The following MAK variants were observed in gnomAD, a reference collection of about 807,000 sequenced individuals.
MAK encodes the protein male germ cell associated kinase.
A neutral mutation model predicts 82.6 loss-of-function variants in MAK; 65 were observed. The observed-to-expected ratio is 0.79, with a 90% confidence interval of 0.64 to 0.97. The LOEUF (loss-of-function observed/expected upper bound fraction) is 0.97, where lower values mean the gene tolerates loss of function less well. Ranked by LOEUF, MAK falls within the 50% of genes least tolerant of loss-of-function variation. The pLI is 0.00. For missense variants in MAK, 703 were observed against 780.2 expected (o/e 0.90, Z 1.18); for synonymous variants, 250 against 274.2 (o/e 0.91, Z 0.87).
intron 8 of MAK, among the ~76,000 whole-genome samples, chr6:10,801,318 C>A (rs543698806): frequency 1.3e-5 from 2 of 152,120 alleles, no homozygotes; most frequent in Non-Finnish European, 2.9e-5. Flanking sequence ...TTTATTGAAG[C>A]CTTGCAGACA....
chr6:10,771,942 C>T (rs1291717370), intron 13 of MAK, among the ~76,000 whole-genome samples: 1 of 152,224 alleles, frequency 6.6e-6, no homozygotes, highest in Non-Finnish European at 1.5e-5. Context: ...TTGCTCTCAT[C>T]CTCATCAGCA....
rs577744993 is a variant in MAK at position 10,798,239 on chromosome 6, C to T, written c.832-1930G>A. 5.9e-4 allele frequency among the ~76,000 whole-genome samples: 90 copies of T among 151,724 alleles called. 2 individuals carry two copies. In the South Asian group the frequency reaches 0.018, roughly 31 times the overall value. ...AAGCAATTCTCCTGCCTCAGCCTCC[C>T]GAGTAGCTGGGATTACAGGCACACG... is the stretch of plus-strand genomic sequence containing the variant. On this transcript the variant is annotated intron_variant, in intron 8 of 14. Coordinates refer to ENST00000354489, the MANE Select transcript of MAK (RefSeq NM_001242957.3).
In MAK at chr6:10,770,151, G is replaced by A. The variant is rs1160858103; in HGVS notation, c.1752C>T (p.Gly584=). 6.2e-7 allele frequency: 1 copy of A among 1,614,114 alleles called. No homozygotes were observed. Among genetic ancestry groups the A allele is most frequent in the Admixed American group, 1.7e-5 (1 of 60,006 alleles). The change falls in exon 14 of 15, where the codon GGC becomes GGT. Residue 584 remains glycine (G), a synonymous_variant. Coordinates refer to ENST00000354489, the MANE Select transcript of MAK (RefSeq NM_001242957.3). The stretch of plus-strand genomic sequence containing the variant: ...TGAGAGGTGCTAAGTGGATCCTCTG[G>A]CCAGCTGACTGCACTTCTTTTTTGA... ...SFLKKEVQSA[G]QRIHLAPLNA...
At chr6:10,837,464 A>G (rs940752686) in intron 1 of MAK, among the ~76,000 whole-genome samples, 2 of 152,194 alleles carry the variant, frequency 1.3e-5, no homozygotes, top group African/African-American at 2.4e-5. Flanking sequence ...GGTTGGGGGA[A>G]CTTTCTCCCT....
intron 11 of MAK, among the ~76,000 whole-genome samples, chr6:10,779,127 C>CAA (rs918122203): frequency 0.061 from 1,226 of 19,964 alleles, 219 homozygotes; most frequent in African/African-American, 0.17. Context: ...CACTTCGTCT[C>CAA]AAAAAAAAAA....
intron 5 of MAK, among the ~76,000 whole-genome samples, chr6:10,810,709 C>T (rs1159541936): frequency 6.6e-6 from 1 of 152,152 alleles, no homozygotes; most frequent in Non-Finnish European, 1.5e-5. Flanking sequence ...CTGTTTGTGA[C>T]ATCTGTTTAA....
rs577603772 is a variant in MAK at position 10,791,260 on chromosome 6, A to T, written c.1316+415T>A. Among the ~76,000 whole-genome samples, 194 of 151,692 alleles carry T rather than the reference A, an allele frequency of 1.3e-3. 2 individuals are homozygous for T. The highest frequency in any genetic ancestry group is 6.8e-3 in the Middle Eastern group (2 of 292). ...TGTGGAAGGCACCAATATTAAGCAA[A>T]TTTTTTTCTTTTTTTCTTTTTTTTG... On this transcript the variant is annotated intron_variant, in intron 10 of 14. Transcript: ENST00000354489.
rs1174950874 is a variant in MAK at position 10,821,974 on chromosome 6, C to T, written c.102-3034G>A. On this transcript the variant is annotated intron_variant, in intron 2 of 14. Coordinates refer to ENST00000354489, the MANE Select transcript of MAK (RefSeq NM_001242957.3). ...CCTCCTGGGTAACAGGGTGAAACCC[C>T]ATCTCTACTGAAAATACAAAAAATT... Among the ~76,000 whole-genome samples, 9 of 150,036 alleles carry T rather than the reference C, an allele frequency of 6.0e-5. No individual in the cohort carries two copies. The East Asian group carries it at 1.8e-3, about 30-fold the overall frequency.
At chr6:10,794,404 G>A (rs1269219503) in intron 9 of MAK, among the ~76,000 whole-genome samples, 1 of 152,182 alleles carries the variant, frequency 6.6e-6, no homozygotes, top group Non-Finnish European at 1.5e-5. Context: ...CTGCATTCCA[G>A]AGGAAGAGAC....
intron 2 of MAK, among the ~76,000 whole-genome samples, chr6:10,829,996 C>T (rs1348051015): frequency 6.6e-6 from 1 of 151,716 alleles, no homozygotes; most frequent in African/African-American, 2.4e-5. Flanking sequence ...ACCACCATGC[C>T]TGGCTAATTT....
intron 12 of MAK, among the ~76,000 whole-genome samples, chr6:10,774,325 C>T (rs919012103): frequency 4.6e-5 from 7 of 151,882 alleles, no homozygotes; most frequent in East Asian, 1.9e-4. Context: ...TTACTAAACA[C>T]GAAAATTAAG....
chr6:10,775,254 C>G (rs1026236342), intron 12 of MAK, 74 bp downstream of exon 12: 8 of 1,540,144 alleles, frequency 5.2e-6, no homozygotes, highest in Non-Finnish European at 7.1e-6. Flanking sequence ...GTTGGAAGAG[C>G]ACTGCAATAT....
rs1554184484 is a variant in MAK at position 10,815,912 on chromosome 6, G to GTACATATATATATATATATATATATATA, written c.278+1937_278+1938insTATATATATATATATATATATATATGTA. Among the ~76,000 whole-genome samples, 18 of 108,344 alleles carry GTACATATATATATATATATATATATATA rather than the reference G, an allele frequency of 1.7e-4. 1 individual carries two copies. Among genetic ancestry groups the GTACATATATATATATATATATATATATA allele is most frequent in the Non-Finnish European group, 2.8e-4 (16 of 57,074 alleles). 71.1% of individuals were successfully genotyped at this position (108,344 alleles called of 152,430 possible). A position where few individuals can be genotyped will look rare whatever the true frequency, so the allele number is the denominator to read the frequency against. The stretch of plus-strand genomic sequence containing the variant: ...TACTGTATTAGTGTAGCTTTATACA[G>GTACATATATATATATATATATATATATA]TATATATATATATATATATATATAT... On this transcript the variant is annotated intron_variant, in intron 4 of 14. Coordinates refer to ENST00000354489, the MANE Select transcript of MAK (RefSeq NM_001242957.3).
At chr6:10,775,535 A>T in intron 11 of MAK, 76 bp from the exon 12 acceptor site, 1 of 1,486,398 alleles carries the variant, frequency 6.7e-7, no homozygotes, top group East Asian at 2.3e-5. Context: ...AATACATTCA[A>T]ACAAAGACTA....
intron 14 of MAK, 34 bp from the exon 15 acceptor site, chr6:10,764,640 A>T: frequency 6.3e-7 from 1 of 1,592,418 alleles, no homozygotes; most frequent in Non-Finnish European, 8.6e-7. Flanking sequence ...ACAGGGTTTT[A>T]CTCATTTGCT....
In MAK at chr6:10,804,407, G is replaced by C. The variant is rs184199415; in HGVS notation, c.492-516C>G. Among the ~76,000 whole-genome samples, 830 of 152,220 alleles carry C rather than the reference G, an allele frequency of 5.5e-3. 8 individuals are homozygous for C. Among genetic ancestry groups the C allele is most frequent in the South Asian group, 0.011 (53 of 4,828 alleles). ...GCCCAGGCTGGAGTGCAATGGCGCG[G>C]TCCCGGCTCACTGCAACCTCCGCCT... On this transcript the variant is annotated intron_variant, in intron 6 of 14. Transcript: ENST00000354489.
At position 10,784,416 on chromosome 6, in the gene MAK, C is replaced by T. The variant is rs777764532; in HGVS notation, c.1465+8G>A. 1.2e-6 allele frequency: 2 copies of T among 1,613,950 alleles called. No homozygotes were observed. Among genetic ancestry groups the T allele is most frequent in the African/African-American group, 2.7e-5 (2 of 74,920 alleles). ...GTTAGCAGCAAACATTTTCTTTGCT[C>T]TACTTACCTGGAAGATATCTTGATT... On this transcript the variant is annotated splice_region_variant and intron_variant, in intron 11 of 14. Transcript: ENST00000354489.
At chr6:10,815,148 CAA>C (rs139793910) in intron 4 of MAK, among the ~76,000 whole-genome samples, 1,856 of 151,864 alleles carry the variant, frequency 0.012, 38 homozygotes, top group African/African-American at 0.043. Flanking sequence ...TAATTTTTAA[CAA>C]TATATTTAAT....
intron 12 of MAK, among the ~76,000 whole-genome samples, chr6:10,774,250 A>T (rs1773276324): frequency 6.6e-5 from 10 of 151,618 alleles, no homozygotes; most frequent in African/African-American, 2.2e-4. Context: ...ATACTGTACA[A>T]AGTTATAATT....
Sources: allele counts gnomAD v4.1 joint callset (sites outside exome capture counted in the v4.1 genomes callset), GRCh38; gene constraint gnomAD v4.1.1; transcripts MANE v1.5; gene names NCBI Gene and HGNC (gene_info 2026-07-23, HGNC 2026-07-21).